STRA8: variants seen among roughly 807,000 people sequenced by gnomAD.
The protein encoded by STRA8 is stimulated by retinoic acid gene 8 protein homolog.
Under a neutral mutation model 37.1 loss-of-function variants are expected in STRA8, and 18 were observed. That is an observed-to-expected ratio of 0.48 (90% CI 0.34 to 0.72). The LOEUF (loss-of-function observed/expected upper bound fraction) is 0.72, where lower values mean the gene tolerates loss of function less well. Among genes scored for constraint, STRA8 ranks in the 30% least tolerant of loss-of-function variants. STRA8 has a pLI of 0.01. For missense variants in STRA8, 357 were observed against 410.4 expected (o/e 0.87, Z 1.13); for synonymous variants, 168 against 162.9 (o/e 1.03, Z -0.24).
chr7:135,256,101 G>A (rs1195594591), intron 8 of STRA8, among the ~76,000 whole-genome samples: 1 of 152,186 alleles, frequency 6.6e-6, no homozygotes, highest in Non-Finnish European at 1.5e-5. Flanking sequence ...AAGGGGACAG[G>A]TCCTTTCAAA....
chr7:135,253,229 T>A (rs1585480166), intron 7 of STRA8, among the ~76,000 whole-genome samples: 1 of 152,212 alleles, frequency 6.6e-6, no homozygotes, highest in South Asian at 2.1e-4. Context: ...CCACAGCGCC[T>A]GGCTCTGGGG....
intron 1 of STRA8, among the ~76,000 whole-genome samples, chr7:135,239,626 G>A (rs1167644446): frequency 6.6e-6 from 1 of 151,884 alleles, no homozygotes; most frequent in Non-Finnish European, 1.5e-5. Context: ...GAGTAGTGGG[G>A]TGAGGCCTGA....
chr7:135,244,244 AC>A (rs2117800606), intron 4 of STRA8, among the ~76,000 whole-genome samples: 1 of 152,264 alleles, frequency 6.6e-6, no homozygotes, highest in Non-Finnish European at 1.5e-5. Flanking sequence ...TTTTTAGTAG[AC>A]ACGGGGTTTC....
chr7:135,246,974 A>G lies in STRA8; in HGVS notation c.879+272A>G, dbSNP rs992949465. On this transcript the variant is annotated intron_variant, in intron 6 of 8. Transcript: ENST00000662584. The surrounding 1 kb of genome is among the most constrained non-coding windows in gnomAD (Gnocchi z 5.4). ...ATTCTCCTGCCTCAGCCTCCCGAAT[A>G]GCTGGGACTACAGGCGCCCGCCACC... 2.0e-5 allele frequency among the ~76,000 whole-genome samples: 3 copies of G among 151,616 alleles called. No individual in the cohort carries two copies. The highest frequency in any genetic ancestry group is 4.8e-5 in the African/African-American group (2 of 41,338).
At chr7:135,250,594 T>C (rs1401758919) in intron 6 of STRA8, among the ~76,000 whole-genome samples, 2 of 152,156 alleles carry the variant, frequency 1.3e-5, no homozygotes, top group Non-Finnish European at 2.9e-5. Flanking sequence ...AAGAGCTGTG[T>C]GTTGCAGGAA....
chr7:135,233,141 G>A (rs150753182), upstream of STRA8, among the ~76,000 whole-genome samples: 2 of 152,250 alleles, frequency 1.3e-5, no homozygotes, highest in African/African-American at 4.8e-5. Context: ...TCTATATTTG[G>A]GAAGGAAAAA....
At chr7:135,256,622 T>A (rs1292261182) in intron 8 of STRA8, among the ~76,000 whole-genome samples, 1 of 152,160 alleles carries the variant, frequency 6.6e-6, no homozygotes, top group African/African-American at 2.4e-5. Context: ...CTGGACAACA[T>A]GGCAGAGCCT....
At chr7:135,245,166 T>C (rs1409429840) in intron 4 of STRA8, 122 bp from the exon 5 acceptor site, 1 of 670,838 alleles carries the variant, frequency 1.5e-6, no homozygotes, top group African/African-American at 1.8e-5. Flanking sequence ...GGTCATGATG[T>C]GTACACCTAC....
intron 6 of STRA8, among the ~76,000 whole-genome samples, chr7:135,250,561 A>C (rs530023177): frequency 6.6e-6 from 1 of 152,178 alleles, no homozygotes; most frequent in African/African-American, 2.4e-5. Context: ...GAAGACAGAA[A>C]GGGCAGACAC....
chr7:135,255,844 G>C (rs1306409582), intron 8 of STRA8, among the ~76,000 whole-genome samples: 1 of 152,208 alleles, frequency 6.6e-6, no homozygotes, highest in South Asian at 2.1e-4. Flanking sequence ...CCGATCCCAG[G>C]GGCCTGACTC....
upstream of STRA8, chr7:135,232,125 G>A (rs554453017): frequency 7.3e-5 from 87 of 1,199,062 alleles, no homozygotes; most frequent in African/African-American, 9.6e-4. Context: ...TGGTTGGGGC[G>A]GGAGGTGGGG....
chr7:135,237,107 AG>A (rs775055245), intron 1 of STRA8, among the ~76,000 whole-genome samples: 5 of 152,182 alleles, frequency 3.3e-5, no homozygotes, highest in Non-Finnish European at 7.4e-5. Context: ...AACTGAAGAC[AG>A]GGGCAGAGAG....
At chr7:135,236,149 G>A (rs1226424648) in intron 1 of STRA8, among the ~76,000 whole-genome samples, 1 of 152,030 alleles carries the variant, frequency 6.6e-6, no homozygotes, top group African/African-American at 2.4e-5. Context: ...GCCCAGAGGT[G>A]GTGGCTCATG....
At chr7:135,257,180 C>T (rs914184206) in intron 8 of STRA8, among the ~76,000 whole-genome samples, 1 of 152,206 alleles carries the variant, frequency 6.6e-6, no homozygotes, top group Non-Finnish European at 1.5e-5. Context: ...ATGAGGATAT[C>T]ACCCTTGGGA....
intron 1 of STRA8, among the ~76,000 whole-genome samples, chr7:135,238,371 C>T (rs750649170): frequency 5.8e-4 from 89 of 152,274 alleles, no homozygotes; most frequent in Non-Finnish European, 1.0e-3. Flanking sequence ...AAGTCTGCCC[C>T]CTATGGGGGA....
rs1585474578 is a variant in STRA8 at position 135,246,110 on chromosome 7, C to G, written c.594-307C>G. The G allele has an allele frequency of 1.2e-5, 5 of 418,698 alleles. No homozygotes were observed. The East Asian group carries it at 2.5e-4, about 21-fold the overall frequency. The allele number at this position is 418,698 out of a possible 1,614,324, so 25.9% of individuals were successfully genotyped here. On this transcript the variant is annotated intron_variant, in intron 5 of 8. Transcript: ENST00000662584. The surrounding 1 kb of genome is among the most constrained non-coding windows in gnomAD (Gnocchi z 5.4). ...TGGGCTCAGAATTTTCAAGAATATTCCCTTAGGATGAGAGCTGAGGCAGCT... is the reference window on the plus strand; with the variant it reads ...TGGGCTCAGAATTTTCAAGAATATTGCCTTAGGATGAGAGCTGAGGCAGCT...
intron 3 of STRA8, 76 bp from the exon 4 acceptor site, chr7:135,243,250 G>A (rs544642706): frequency 1.3e-4 from 192 of 1,510,864 alleles, no homozygotes; most frequent in Non-Finnish European, 5.9e-5. Context: ...CAGCCCACCT[G>A]GGCCAGAAGG....
At chr7:135,247,667 G>A (rs576784560) in intron 6 of STRA8, among the ~76,000 whole-genome samples, 23 of 152,326 alleles carry the variant, frequency 1.5e-4, no homozygotes, top group African/African-American at 5.1e-4. Flanking sequence ...TTGAAAGGCC[G>A]TCAGTTCCCA....
chr7:135,232,711 T>G (rs1436259611), upstream of STRA8, among the ~76,000 whole-genome samples: 2 of 152,204 alleles, frequency 1.3e-5, no homozygotes, highest in African/African-American at 4.8e-5. Context: ...TCTTTATATG[T>G]GGGACATCAT....
Sources: gnomAD v4.1 joint callset for allele counts (sites outside exome capture counted in the v4.1 genomes callset) on GRCh38, gnomAD v4.1.1 for gene constraint, Gnocchi (gnomAD v3.1) non-coding constraint, MANE v1.5 for transcripts, NCBI Gene and HGNC (gene_info 2026-07-23, HGNC 2026-07-21) for gene names.